TRAF3IP1: variants seen among roughly 807,000 people sequenced by gnomAD.
The protein encoded by TRAF3IP1 is intraflagellar transport 54, also known as TRAF3-interacting protein 1.
Under a neutral mutation model 89.9 loss-of-function variants are expected in TRAF3IP1, and 53 were observed. That is an observed-to-expected ratio of 0.59 (90% confidence interval 0.47 to 0.74). The LOEUF (loss-of-function observed/expected upper bound fraction) is 0.74. Among genes scored for constraint, TRAF3IP1 ranks in the 30% least tolerant of loss-of-function variants. The pLI, the probability that TRAF3IP1 is intolerant of heterozygous loss-of-function variation, is 0.00. For synonymous variants in TRAF3IP1, 311 were observed against 322.1 expected (o/e 0.97, Z 0.37); for missense variants, 806 against 866.1 (o/e 0.93, Z 0.87).
intron 15 of TRAF3IP1, among the ~76,000 whole-genome samples, chr2:238,370,077 G>T (rs1700042548): frequency 6.6e-6 from 1 of 152,324 alleles, no homozygotes; most frequent in Admixed American, 6.5e-5. Flanking sequence ...TTTGATTGGA[G>T]AATGGAGTGT....
rs558444638 is a variant in TRAF3IP1 at position 238,351,934 on chromosome 2, T to G, written c.1452-893T>G. Reference sequence around the variant, plus strand: ...GTGTGTGTGTGTGTGTGTGTATGCATGTGCACGCATGCAGCACTGCGATAA... The same window carrying G: ...GTGTGTGTGTGTGTGTGTGTATGCAGGTGCACGCATGCAGCACTGCGATAA... On this transcript the variant is annotated intron_variant, in intron 12 of 16. Coordinates refer to ENST00000373327, the MANE Select transcript of TRAF3IP1 (RefSeq NM_015650.4). The surrounding 1 kb of genome is among the most constrained non-coding windows in gnomAD (Gnocchi z 5.2). 6.6e-6 allele frequency among the ~76,000 whole-genome samples: 1 copy of G among 151,924 alleles called. No individual in the cohort carries two copies. Among genetic ancestry groups the G allele is most frequent in the South Asian group, 2.1e-4 (1 of 4,798 alleles).
At position 238,328,785 on chromosome 2, in the gene TRAF3IP1, A is replaced by G. The variant is rs1030025828; in HGVS notation, c.454A>G (p.Lys152Glu). The G allele has an allele frequency of 6.2e-7, 1 of 1,614,106 alleles. No homozygotes were observed. Among genetic ancestry groups the G allele is most frequent in the Non-Finnish European group, 8.5e-7 (1 of 1,180,048 alleles). ...LTSRSQELDN[K>E]NVREEESRVH... Reference sequence around the variant, plus strand: ...CTCAAGATCTCAGGAATTGGATAATAAGAATGTGCGAGAAGAAGAGTCCAG... The same window carrying G: ...CTCAAGATCTCAGGAATTGGATAATGAGAATGTGCGAGAAGAAGAGTCCAG... Residue 152 changes from lysine (K) to glutamate (E), a missense_variant, in exon 4 of 17, where the codon AAG (lysine) becomes GAG (glutamate). By Grantham distance (56) the Lys-to-Glu change is moderately conservative (BLOSUM62 1). Coordinates refer to ENST00000373327, the MANE Select transcript of TRAF3IP1 (RefSeq NM_015650.4).
At chr2:238,388,561 T>G (rs1700869863) in intron 15 of TRAF3IP1, among the ~76,000 whole-genome samples, 1 of 151,436 alleles carries the variant, frequency 6.6e-6, no homozygotes, top group Non-Finnish European at 1.5e-5. Flanking sequence ...GTAAATTGAA[T>G]GCAGGTATTC....
At chr2:238,369,197 A>G (rs1387366069) in intron 15 of TRAF3IP1, among the ~76,000 whole-genome samples, 1 of 152,174 alleles carries the variant, frequency 6.6e-6, no homozygotes, top group African/African-American at 2.4e-5. Flanking sequence ...TGTTATTTTA[A>G]TAGTAATAAC....
intron 7 of TRAF3IP1, among the ~76,000 whole-genome samples, chr2:238,335,818 T>A (rs952158429): frequency 4.4e-5 from 6 of 135,608 alleles, no homozygotes; most frequent in Non-Finnish European, 9.7e-5. Context: ...TTATTTATTT[T>A]GAGACGGAGT....
At chr2:238,332,702 T>A in intron 5 of TRAF3IP1, 122 bp from the exon 6 acceptor site, 1 of 713,116 alleles carries the variant, frequency 1.4e-6, no homozygotes, top group South Asian at 1.8e-5. Context: ...ACTGGCGATG[T>A]GGTGTTCTCA....
intron 15 of TRAF3IP1, among the ~76,000 whole-genome samples, chr2:238,373,115 A>C (rs534798904): frequency 1.3e-5 from 2 of 152,210 alleles, no homozygotes; most frequent in Admixed American, 6.5e-5. Context: ...TTCTTTTGCC[A>C]TGCAGAAACT....
chr2:238,332,825 C>A lies in TRAF3IP1; in HGVS notation c.917C>A (p.Ser306Ter). 2 of 1,596,246 alleles carry A rather than the reference C, an allele frequency of 1.3e-6. No individual in the cohort carries two copies. The highest frequency in any genetic ancestry group is 2.3e-5 in the South Asian group (2 of 88,386). The part of the protein sequence containing the change: ...NREHDKPEKK[S>*]ASSGEMSKKL... Reference sequence around the variant, plus strand: ...TTGAATTTTTTTTTTTTTTAATAGTCAGCAAGCTCAGGGGAGATGTCTAAA... The same window carrying A: ...TTGAATTTTTTTTTTTTTTAATAGTAAGCAAGCTCAGGGGAGATGTCTAAA... Residue 306 changes from serine (S) to a stop codon, truncating the protein, a stop_gained and splice_region_variant, in exon 6 of 17, where the codon TCA becomes TAA. Coordinates refer to ENST00000373327, the MANE Select transcript of TRAF3IP1 (RefSeq NM_015650.4). LOFTEE classifies it high-confidence loss of function.
chr2:238,359,446 A>G (rs1699567826), intron 15 of TRAF3IP1, among the ~76,000 whole-genome samples: 1 of 151,870 alleles, frequency 6.6e-6, no homozygotes. Flanking sequence ...TTGTGTTTAA[A>G]TGGAATCATG....
chr2:238,341,546 TA>T (rs75778043), intron 8 of TRAF3IP1, among the ~76,000 whole-genome samples: 157 of 137,510 alleles, frequency 1.1e-3, no homozygotes, highest in Middle Eastern at 3.8e-3. Context: ...TTTTTTTTTT[TA>T]AAAAAAAAAC....
At chr2:238,366,383 G>A (rs998673695) in intron 15 of TRAF3IP1, among the ~76,000 whole-genome samples, 6 of 151,942 alleles carry the variant, frequency 3.9e-5, no homozygotes, top group Admixed American at 1.3e-4. Flanking sequence ...GAGGAGATAG[G>A]CCTTTTCTCT....
At chr2:238,371,484 G>A (rs1559384124) in intron 15 of TRAF3IP1, among the ~76,000 whole-genome samples, 1 of 152,202 alleles carries the variant, frequency 6.6e-6, no homozygotes, top group Non-Finnish European at 1.5e-5. Context: ...TTACTATTTA[G>A]CTAGATTGTC....
chr2:238,375,393 T>C (rs1323202905), intron 15 of TRAF3IP1, among the ~76,000 whole-genome samples: 1 of 152,216 alleles, frequency 6.6e-6, no homozygotes, highest in Non-Finnish European at 1.5e-5. Context: ...ATGTACCCAG[T>C]AGTCATTCAG....
chr2:238,366,189 G>A (rs138412580), intron 15 of TRAF3IP1, among the ~76,000 whole-genome samples: 16 of 151,836 alleles, frequency 1.1e-4, no homozygotes, highest in Admixed American at 4.6e-4. Flanking sequence ...CAGAGATCGC[G>A]CGCGCCACTG....
chr2:238,334,077 A>ATTT (rs1553610955), intron 7 of TRAF3IP1, 42 bp downstream of exon 7: 9 of 1,030,784 alleles, frequency 8.7e-6, no homozygotes, highest in Non-Finnish European at 1.2e-5. Flanking sequence ...TATGGATATT[A>ATTT]GTTTTTTTTT....
intron 15 of TRAF3IP1, among the ~76,000 whole-genome samples, chr2:238,390,831 G>T (rs1020890703): frequency 4.6e-5 from 7 of 152,014 alleles, no homozygotes; most frequent in Non-Finnish European, 8.8e-5. Flanking sequence ...GGTGAGGCTG[G>T]GTTGTACCAG....
chr2:238,351,868 C>CGT lies in TRAF3IP1; in HGVS notation c.1452-958_1452-957insTG, dbSNP rs1173328780. Among the ~76,000 whole-genome samples, 1 of 100,366 alleles carries CGT rather than the reference C, an allele frequency of 1.0e-5. No homozygotes were observed. Among genetic ancestry groups the CGT allele is most frequent in the East Asian group, 3.1e-4 (1 of 3,270 alleles). 65.8% of individuals were successfully genotyped at this position (100,366 alleles called of 152,430 possible). ...GTGTGTGTGTGTGTGTGTGTGTGTG[C>CGT]GCGCGCGCGCGTGTGCGTGCATGTG... is the stretch of plus-strand genomic sequence containing the variant. On this transcript the variant is annotated intron_variant, in intron 12 of 16. Coordinates refer to ENST00000373327, the MANE Select transcript of TRAF3IP1 (RefSeq NM_015650.4). The surrounding 1 kb of genome is among the most constrained non-coding windows in gnomAD (Gnocchi z 5.2).
chr2:238,321,213 T>C (rs6706911), intron 1 of TRAF3IP1, among the ~76,000 whole-genome samples: 1 of 152,116 alleles, frequency 6.6e-6, no homozygotes, highest in Non-Finnish European at 1.5e-5. Context: ...CTGCCTGCCC[T>C]TGTATTTCCT....
At chr2:238,358,669 T>A (rs1193599523) in intron 15 of TRAF3IP1, among the ~76,000 whole-genome samples, 1 of 152,256 alleles carries the variant, frequency 6.6e-6, no homozygotes, top group South Asian at 2.1e-4. Flanking sequence ...GAGTTTCTAA[T>A]GTCACCCTCG....
Sources: gnomAD v4.1 joint callset for allele counts (sites outside exome capture counted in the v4.1 genomes callset) on GRCh38, gnomAD v4.1.1 for gene constraint, Gnocchi (gnomAD v3.1) non-coding constraint, MANE v1.5 for transcripts, NCBI Gene and HGNC (gene_info 2026-07-23, HGNC 2026-07-21) for gene names.